Variants in LPP observed in about 807,000 individuals in gnomAD.
LPP encodes lipoma-preferred partner.
A neutral mutation model predicts 60.4 loss-of-function variants in LPP; 38 were observed. That is an observed-to-expected ratio of 0.63 (90% CI 0.49 to 0.83). LPP has a LOEUF of 0.83. LPP is among the 40% of genes least tolerant of loss of function. LPP has a pLI of 0.00. For synonymous variants in LPP, 328 were observed against 290.8 expected, an observed-to-expected ratio of 1.13 and a Z score of -1.30; for missense variants, 902 against 783.6, an observed-to-expected ratio of 1.15 and a Z score of -1.80.
intron 7 of LPP, among the ~76,000 whole-genome samples, chr3:188,679,738 G>T (rs1859051104): frequency 6.6e-6 from 1 of 152,008 alleles, no homozygotes; most frequent in African/African-American, 2.4e-5. Flanking sequence ...TAAGATTTTG[G>T]ATAAAAACCT....
chr3:188,866,970 T>C (rs757404013), intron 10 of LPP, among the ~76,000 whole-genome samples: 43 of 152,174 alleles, frequency 2.8e-4, no homozygotes, highest in Non-Finnish European at 4.7e-4. Flanking sequence ...AGCCTTTTCT[T>C]CCACCCAAGT....
chr3:188,589,114 G>A (rs1560603076), intron 6 of LPP, among the ~76,000 whole-genome samples: 1 of 151,570 alleles, frequency 6.6e-6, no homozygotes, highest in African/African-American at 2.4e-5. Context: ...GGGAGAGGGT[G>A]TTTTTTTATA....
chr3:188,345,279 G>A (rs1372882502), intron 3 of LPP, among the ~76,000 whole-genome samples: 1 of 152,120 alleles, frequency 6.6e-6, no homozygotes, highest in Non-Finnish European at 1.5e-5. Context: ...TGGACTCCAG[G>A]TATCTTCATT....
intron 9 of LPP, among the ~76,000 whole-genome samples, chr3:188,811,101 T>C (rs546212699): frequency 2.0e-5 from 3 of 152,126 alleles, no homozygotes; most frequent in Non-Finnish European, 4.4e-5. Context: ...TATATATATA[T>C]GTGCATATAA....
At position 188,623,046 on chromosome 3, in the gene LPP, A is replaced by G. The variant is rs1330650502; in HGVS notation, c.1113+13202A>G. Among the ~76,000 whole-genome samples, 454 of 49,688 alleles carry G rather than the reference A, an allele frequency of 9.1e-3. 2 individuals carry two copies. The highest frequency in any genetic ancestry group is 0.033 in the African/African-American group (402 of 12,308). 32.6% of individuals were successfully genotyped at this position (49,688 alleles called of 152,430 possible). On this transcript the variant is annotated intron_variant, in intron 7 of 11. Transcript: ENST00000617246. ...CCATCTTAAAAAAAAAAAAAAAAAA[A>G]AGAGAGAGCTAACATCTTCACTTTT...
chr3:188,630,179 A>T (rs1020739870), intron 7 of LPP, among the ~76,000 whole-genome samples: 1 of 152,252 alleles, frequency 6.6e-6, no homozygotes, highest in Admixed American at 6.5e-5. Flanking sequence ...AACAGAGTAA[A>T]CAGACAGCCT....
intron 2 of LPP, among the ~76,000 whole-genome samples, chr3:188,324,495 C>T (rs1164872287): frequency 6.6e-6 from 1 of 152,156 alleles, no homozygotes; most frequent in Non-Finnish European, 1.5e-5. Flanking sequence ...ATGTTCACCC[C>T]CGTGTTGTAG....
rs1248161368 is a variant in LPP, at chr3:188,649,656, T to G, written c.1113+39812T>G. Among the ~76,000 whole-genome samples, 3 of 978 alleles carry G rather than the reference T, an allele frequency of 3.1e-3. No homozygotes were observed. The Non-Finnish European group carries it at 0.1, about 33-fold the overall frequency. The allele number at this position is 978 out of a possible 152,430, so 0.6% of individuals were successfully genotyped here. ...TTATTCTTCAAATAGTTGTGAAGGT[T>G]TTTTTTTATTATTATATAAAGCCTT... On this transcript the variant is annotated intron_variant, in intron 7 of 11. Coordinates refer to ENST00000617246, the MANE Select transcript of LPP (RefSeq NM_001375462.1).
chr3:188,495,566 C>T (rs1414371819), intron 5 of LPP, among the ~76,000 whole-genome samples: 5 of 151,992 alleles, frequency 3.3e-5, no homozygotes, highest in South Asian at 2.1e-4. Context: ...CAGCCATTGT[C>T]GTCAATAATA....
intron 3 of LPP, among the ~76,000 whole-genome samples, chr3:188,391,537 T>C (rs935938809): frequency 6.6e-6 from 1 of 152,140 alleles, no homozygotes; most frequent in African/African-American, 2.4e-5. Context: ...ATATTTTAAG[T>C]GGAAGGTACT....
At chr3:188,822,660 G>A (rs1432399645) in intron 9 of LPP, among the ~76,000 whole-genome samples, 1 of 152,080 alleles carries the variant, frequency 6.6e-6, no homozygotes, top group Non-Finnish European at 1.5e-5. Context: ...CCATTCTGAT[G>A]CACTGATCAT....
intron 4 of LPP, among the ~76,000 whole-genome samples, chr3:188,480,275 C>T (rs1434598725): frequency 1.3e-5 from 2 of 152,156 alleles, no homozygotes; most frequent in Admixed American, 6.5e-5. Flanking sequence ...CTTGATTTGT[C>T]CAACTCCTCA....
chr3:188,720,078 A>G (rs1715716689), intron 8 of LPP, among the ~76,000 whole-genome samples: 2 of 152,070 alleles, frequency 1.3e-5, no homozygotes, highest in African/African-American at 4.8e-5. Context: ...ACGCCCAGCT[A>G]ATTTTTGTAT....
intron 2 of LPP, among the ~76,000 whole-genome samples, chr3:188,300,947 A>G (rs1190765182): frequency 2.0e-5 from 3 of 152,200 alleles, no homozygotes; most frequent in Non-Finnish European, 4.4e-5. Flanking sequence ...CTACTATTTC[A>G]GTCCTAAGAT....
intron 9 of LPP, among the ~76,000 whole-genome samples, chr3:188,781,734 A>G (rs1739766782): frequency 6.6e-6 from 1 of 150,986 alleles, no homozygotes; most frequent in South Asian, 2.1e-4. Flanking sequence ...AAAAAAAAAT[A>G]CAAAAAAATT....
chr3:188,514,754 C>T (rs1172764450), intron 5 of LPP, among the ~76,000 whole-genome samples: 2 of 152,182 alleles, frequency 1.3e-5, no homozygotes, highest in African/African-American at 4.8e-5. Flanking sequence ...AGTTTTGTTA[C>T]ATGTTTTTCA....
intron 9 of LPP, among the ~76,000 whole-genome samples, chr3:188,805,913 G>A: frequency 6.6e-6 from 1 of 151,504 alleles, no homozygotes; most frequent in East Asian, 1.9e-4. Flanking sequence ...TTGTCTTTTA[G>A]TTTATTTCCT....
rs138449002 is a variant in LPP at position 188,282,205 on chromosome 3, G to A, written c.-67+56678G>A. ...TCTCTTGTCTTTAGCTTAATATGGG[G>A]CTCAGTGGCCAGGCGTTTACATAAT... On this transcript the variant is annotated intron_variant, in intron 2 of 11. Transcript: ENST00000617246. 6.1e-3 allele frequency among the ~76,000 whole-genome samples: 931 copies of A among 151,934 alleles called. 6 individuals are homozygous for A. Among genetic ancestry groups the A allele is most frequent in the Non-Finnish European group, 0.01 (680 of 67,992 alleles).
At chr3:188,415,557 G>T (rs1785999055) in intron 4 of LPP, among the ~76,000 whole-genome samples, 1 of 151,814 alleles carries the variant, frequency 6.6e-6, no homozygotes, top group South Asian at 2.1e-4. Flanking sequence ...TCCTTTGATG[G>T]GCAGATGTTT....
Sources: gnomAD v4.1 joint callset for allele counts (sites outside exome capture counted in the v4.1 genomes callset) on GRCh38, gnomAD v4.1.1 for gene constraint, MANE v1.5 for transcripts, NCBI Gene and HGNC (gene_info 2026-07-23, HGNC 2026-07-21) for gene names.